RAPGEF6: variants seen among roughly 807,000 people sequenced by gnomAD.
RAPGEF6 encodes PDZ domain containing guanine nucleotide exchange factor (GEF) 2.
Under a neutral mutation model 171.4 loss-of-function variants are expected in RAPGEF6, and 56 were observed. That is an observed-to-expected ratio of 0.33 (90% CI 0.26 to 0.41). The LOEUF is 0.41. RAPGEF6 is among the 10% of genes least tolerant of loss of function. The pLI, the probability that RAPGEF6 is intolerant of heterozygous loss-of-function variation, is 1.00. For synonymous variants in RAPGEF6, 692 were observed against 650.1 expected, an observed-to-expected ratio of 1.06 and a Z score of -0.98; for missense variants, 1,674 against 1,921.4, an observed-to-expected ratio of 0.87 and a Z score of 2.41.
At chr5:131,523,279 CTTTTTTTT>C (rs1171953953) in intron 6 of RAPGEF6, among the ~76,000 whole-genome samples, 7 of 66,656 alleles carry the variant, frequency 1.1e-4, no homozygotes, top group Admixed American at 3.3e-4. Context: ...CTGTTGTATG[CTTTTTTTT>C]TTTTTTTTTT....
chr5:131,492,095 C>T lies in RAPGEF6; in HGVS notation c.1731+487G>A, dbSNP rs191703815. On this transcript the variant is annotated intron_variant, in intron 14 of 27. Coordinates refer to ENST00000509018, the MANE Select transcript of RAPGEF6 (RefSeq NM_016340.6). ...CTAAGAGTGTCTTTTTTCCTAGTCC[C>T]CCATTTGGCTCACTTTGCTTATGGA... 1.4e-4 allele frequency among the ~76,000 whole-genome samples: 21 copies of T among 152,184 alleles called. No individual in the cohort carries two copies. In the East Asian group the frequency reaches 2.7e-3, roughly 20 times the overall value.
At chr5:131,545,134 A>G (rs558158004) in intron 6 of RAPGEF6, among the ~76,000 whole-genome samples, 38 of 152,308 alleles carry the variant, frequency 2.5e-4, no homozygotes, top group Non-Finnish European at 4.7e-4. Context: ...TGCTTATTCT[A>G]CATTAAAAAA....
At chr5:131,533,213 C>CACACACACACACACACA (rs1554079721) in intron 6 of RAPGEF6, among the ~76,000 whole-genome samples, 1 of 148,424 alleles carries the variant, frequency 6.7e-6, no homozygotes, top group African/African-American at 2.5e-5. Context: ...CACACACACA[C>CACACACACACACACACA]CCCATCCTCC....
chr5:131,516,113 G>T (rs2149901891), intron 7 of RAPGEF6, among the ~76,000 whole-genome samples: 2 of 122,252 alleles, frequency 1.6e-5, no homozygotes, highest in African/African-American at 6.3e-5. Context: ...TTCTGTGACG[G>T]AGTCTTTCTC....
intron 13 of RAPGEF6, 30 bp downstream of exon 13, chr5:131,495,523 C>T (rs1314275003): frequency 1.3e-6 from 2 of 1,581,448 alleles, no homozygotes; most frequent in Non-Finnish European, 1.7e-6. Context: ...CCACTACACT[C>T]TGAAGAATAG....
At chr5:131,504,292 C>T (rs1757205440) in intron 11 of RAPGEF6, among the ~76,000 whole-genome samples, 2 of 151,822 alleles carry the variant, frequency 1.3e-5, no homozygotes, top group African/African-American at 4.8e-5. Context: ...TGAAACCTCG[C>T]CTCTACTAAA....
At chr5:131,478,144 C>T (rs1755234962) in intron 16 of RAPGEF6, among the ~76,000 whole-genome samples, 1 of 152,114 alleles carries the variant, frequency 6.6e-6, no homozygotes, top group African/African-American at 2.4e-5. Context: ...GTATTTTAAT[C>T]CTCTGAGTTC....
In RAPGEF6 at chr5:131,513,202, A is replaced by G. The variant is rs1757856214; in HGVS notation, c.628-2711T>C. The stretch of plus-strand genomic sequence containing the variant: ...TAGTTTTAAATTTAAATATGTGTAC[A>G]TGCTAAAAAGACTTTCCAAAAACCT... On this transcript the variant is annotated intron_variant, in intron 7 of 27. Coordinates refer to ENST00000509018, the MANE Select transcript of RAPGEF6 (RefSeq NM_016340.6). Among the ~76,000 whole-genome samples the G allele has an allele frequency of 2.0e-5, 3 of 152,214 alleles. No homozygotes were observed. The South Asian group carries it at 6.2e-4, about 32-fold the overall frequency.
Position 131,453,044 on chromosome 5 carries a change from A to T in RAPGEF6, c.3200+10T>A. On this transcript the variant is annotated intron_variant, in intron 21 of 27. Coordinates refer to ENST00000509018, the MANE Select transcript of RAPGEF6 (RefSeq NM_016340.6). ...CCACTCTAACACTTTTACATATTTC[A>T]ATGTCCTACCTCTGTCGAAACATCA... The T allele has an allele frequency of 6.2e-7, 1 of 1,606,266 alleles. No individual in the cohort carries two copies. Among genetic ancestry groups the T allele is most frequent in the Admixed American group, 1.7e-5 (1 of 58,872 alleles).
intron 6 of RAPGEF6, among the ~76,000 whole-genome samples, chr5:131,544,446 C>A (rs144333913): frequency 0.011 from 1,597 of 151,722 alleles, 20 homozygotes; most frequent in African/African-American, 0.036. Context: ...GCCCACCCCC[C>A]CAAAAAAAAT....
At chr5:131,632,656 A>C (rs1187455411) in intron 1 of RAPGEF6, among the ~76,000 whole-genome samples, 2 of 152,062 alleles carry the variant, frequency 1.3e-5, no homozygotes, top group Non-Finnish European at 2.9e-5. Context: ...CAGCTGCTAG[A>C]CTCCCAATAA....
At chr5:131,446,137 A>G (rs1752674375) in intron 22 of RAPGEF6, among the ~76,000 whole-genome samples, 1 of 152,206 alleles carries the variant, frequency 6.6e-6, no homozygotes, top group Non-Finnish European at 1.5e-5. Flanking sequence ...GTTGGTAAAT[A>G]TTATCCATGA....
intron 18 of RAPGEF6, among the ~76,000 whole-genome samples, chr5:131,462,768 C>A (rs79018835): frequency 0.22 from 33,438 of 152,086 alleles, 4,016 homozygotes; most frequent in East Asian, 0.49. Flanking sequence ...ACTAAGGAAA[C>A]GAGGTAATGT....
rs1751384889 is a variant in RAPGEF6 at position 131,426,142 on chromosome 5, G to A, written c.*1124C>T. ...AGAGACAATCATTTCTGTAACTCCA[G>A]CTCCTCTTTCTCCCACAAAATGTTA... On this transcript the variant is annotated 3_prime_UTR_variant, in exon 28 of 28. Transcript: ENST00000509018. 1 of 152,158 alleles carries A rather than the reference G, an allele frequency of 6.6e-6. No individual in the cohort carries two copies. 9.4% of individuals were successfully genotyped at this position (152,158 alleles called of 1,614,324 possible).
At chr5:131,575,442 C>T (rs1004033052) in intron 4 of RAPGEF6, among the ~76,000 whole-genome samples, 4 of 152,138 alleles carry the variant, frequency 2.6e-5, no homozygotes, top group Admixed American at 6.5e-5. Flanking sequence ...GATTTCTTCC[C>T]CATCCGTTAC....
At chr5:131,566,966 C>T (rs1352013924) in intron 4 of RAPGEF6, among the ~76,000 whole-genome samples, 2 of 151,752 alleles carry the variant, frequency 1.3e-5, no homozygotes, top group Non-Finnish European at 2.9e-5. Flanking sequence ...TGGTGGTATG[C>T]ACCTGTAATC....
intron 15 of RAPGEF6, among the ~76,000 whole-genome samples, chr5:131,487,240 C>T (rs1339104333): frequency 6.6e-6 from 1 of 152,210 alleles, no homozygotes; most frequent in African/African-American, 2.4e-5. Context: ...TGTTACAGCT[C>T]TTAAAGGTGG....
intron 3 of RAPGEF6, among the ~76,000 whole-genome samples, chr5:131,593,548 T>C (rs1225008523): frequency 3.3e-5 from 5 of 152,224 alleles, no homozygotes; most frequent in Non-Finnish European, 4.4e-5. Flanking sequence ...GTGGAAAAGT[T>C]TGGAACTTCC....
chr5:131,430,566 C>T (rs900810035), intron 26 of RAPGEF6: 8 of 491,190 alleles, frequency 1.6e-5, no homozygotes, highest in Admixed American at 5.5e-5. Context: ...CACACTAATG[C>T]GATGATATTC....
Sources: gnomAD v4.1 joint callset for allele counts (sites outside exome capture counted in the v4.1 genomes callset) on GRCh38, gnomAD v4.1.1 for gene constraint, MANE v1.5 for transcripts, NCBI Gene and HGNC (gene_info 2026-07-23, HGNC 2026-07-21) for gene names.